Variants in GRM5 observed in about 807,000 individuals in gnomAD.
GRM5 encodes the protein metabotropic glutamate receptor 5.
Under a neutral mutation model 83.1 loss-of-function variants are expected in GRM5, and 19 were observed. That is an observed-to-expected ratio of 0.23 (90% CI 0.16 to 0.34). The LOEUF is 0.34. Among genes scored for constraint, GRM5 ranks in the 10% least tolerant of loss-of-function variants. The pLI, the probability that GRM5 is intolerant of heterozygous loss-of-function variation, is 1.00. For missense variants in GRM5, 1,160 were observed against 1,588.3 expected (o/e 0.73, Z 4.58); for synonymous variants, 675 against 633.6 (o/e 1.07, Z -0.98).
intron 2 of GRM5, among the ~76,000 whole-genome samples, chr11:89,029,348 A>C (rs1941206624): frequency 6.6e-6 from 1 of 152,206 alleles, no homozygotes; most frequent in Non-Finnish European, 1.5e-5. Context: ...ATATAATAGG[A>C]AATAAGCTGT....
At chr11:88,762,028 A>G (rs1001750381) in intron 3 of GRM5, among the ~76,000 whole-genome samples, 1 of 152,064 alleles carries the variant, frequency 6.6e-6, no homozygotes, top group African/African-American at 2.4e-5. Context: ...TTCTCAAGCC[A>G]TATACAAAAA....
intron 3 of GRM5, among the ~76,000 whole-genome samples, chr11:88,805,346 C>T (rs543386403): frequency 2.0e-5 from 3 of 152,220 alleles, no homozygotes; most frequent in East Asian, 1.9e-4. Flanking sequence ...CATGCGCCAC[C>T]ACGCCCGGCT....
intron 2 of GRM5, among the ~76,000 whole-genome samples, chr11:89,045,058 T>C (rs2135147464): frequency 6.6e-6 from 1 of 152,240 alleles, no homozygotes; most frequent in Non-Finnish European, 1.5e-5. Flanking sequence ...AAGATAAATA[T>C]TTCTTGACAC....
intron 1 of GRM5, among the ~76,000 whole-genome samples, chr11:89,050,774 G>A (rs1467480639): frequency 5.3e-5 from 8 of 152,134 alleles, no homozygotes; most frequent in Non-Finnish European, 1.0e-4. Flanking sequence ...ATACTATACA[G>A]CCATAAAAAA....
chr11:88,583,331 C>G (rs1311419142), intron 7 of GRM5, among the ~76,000 whole-genome samples: 1 of 152,136 alleles, frequency 6.6e-6, no homozygotes, highest in East Asian at 1.9e-4. Flanking sequence ...ACAAATGTTC[C>G]AACCTCCAAA....
rs150415780 is a variant in GRM5 at position 88,642,217 on chromosome 11, T to G, written c.1147+10951A>C. 6.0e-3 allele frequency among the ~76,000 whole-genome samples: 917 copies of G among 152,280 alleles called. 3 individuals are homozygous for G. Among genetic ancestry groups the G allele is most frequent in the South Asian group, 0.01 (50 of 4,828 alleles). On this transcript the variant is annotated intron_variant, in intron 4 of 9. Transcript: ENST00000305447. ...CTCCAAAGTGGCAGTGCAAGATGTA[T>G]GTGTTCTCCTTTGAGCCACAGCTAG...
chr11:88,889,041 C>T (rs552826254), intron 2 of GRM5, among the ~76,000 whole-genome samples: 27 of 152,158 alleles, frequency 1.8e-4, no homozygotes, highest in Non-Finnish European at 2.1e-4. Context: ...GCCACAAAAT[C>T]AGATAAGCCA....
intron 6 of GRM5, among the ~76,000 whole-genome samples, chr11:88,595,849 T>C (rs142037105): frequency 3.9e-5 from 6 of 152,314 alleles, no homozygotes; most frequent in African/African-American, 7.2e-5. Flanking sequence ...TTCTTCCTTT[T>C]TTGTACTTTG....
chr11:88,878,579 C>T (rs935086259), intron 2 of GRM5, among the ~76,000 whole-genome samples: 3 of 152,164 alleles, frequency 2.0e-5, no homozygotes, highest in African/African-American at 7.2e-5. Flanking sequence ...TCACACAAGG[C>T]AATAGGCCCT....
intron 3 of GRM5, among the ~76,000 whole-genome samples, chr11:88,814,966 G>A (rs1234354331): frequency 2.0e-5 from 3 of 152,020 alleles, no homozygotes; most frequent in Non-Finnish European, 4.4e-5. Flanking sequence ...AAAATAAAAA[G>A]AATTCACAAG....
intron 2 of GRM5, among the ~76,000 whole-genome samples, chr11:89,010,389 GT>G: frequency 6.6e-6 from 1 of 152,152 alleles, no homozygotes; most frequent in East Asian, 1.9e-4. Context: ...TAGAGAATGT[GT>G]AAAATATACA....
At chr11:88,606,832 G>T (rs1215084784) in intron 4 of GRM5, among the ~76,000 whole-genome samples, 2 of 151,550 alleles carry the variant, frequency 1.3e-5, no homozygotes, top group Non-Finnish European at 2.9e-5. Flanking sequence ...GAATGAATAG[G>T]GTTAAGACAT....
intron 2 of GRM5, among the ~76,000 whole-genome samples, chr11:88,869,768 G>T (rs1412017604): frequency 6.6e-6 from 1 of 151,310 alleles, no homozygotes; most frequent in Non-Finnish European, 1.5e-5. Context: ...CATTAGTCAT[G>T]GTTCCAACCT....
At chr11:88,823,526 C>CA (rs71265011) in intron 3 of GRM5, among the ~76,000 whole-genome samples, 48,613 of 144,210 alleles carry the variant, frequency 0.34, 8,721 homozygotes, top group Non-Finnish European at 0.41. Flanking sequence ...TAGGGGATTT[C>CA]AAAAAAAAAA....
chr11:89,047,740 G>T lies in GRM5; in HGVS notation c.133C>A (p.His45Asn). The T allele has an allele frequency of 6.2e-7, 1 of 1,614,082 alleles. No homozygotes were observed. The highest frequency in any genetic ancestry group is 8.5e-7 in the Non-Finnish European group (1 of 1,179,998). The change falls in exon 2 of 10, where the codon CAC becomes AAC. Residue 45 changes from histidine (H) to asparagine (N), a missense_variant. Transcript: ENST00000305447. This position sits in a 1 kb window ranked among gnomAD's most constrained non-coding sequence, Gnocchi z 5.1. ...TGAACTTTGTCCACAGTAGGCTGGT[G>T]ATGAACAGAAAAGAGAGCTCCAATA... Reference protein sequence around the residue: ...IIIGALFSVHHQPTVDKVHER... With the variant: ...IIIGALFSVHNQPTVDKVHER...
At chr11:88,814,129 G>T (rs1943630962) in intron 3 of GRM5, among the ~76,000 whole-genome samples, 1 of 152,208 alleles carries the variant, frequency 6.6e-6, no homozygotes, top group African/African-American at 2.4e-5. Flanking sequence ...AACTGGACAA[G>T]ATATACAAAA....
At chr11:89,051,546 C>A (rs1000686608) in intron 1 of GRM5, among the ~76,000 whole-genome samples, 1 of 151,712 alleles carries the variant, frequency 6.6e-6, no homozygotes, top group Non-Finnish European at 1.5e-5. Flanking sequence ...CCCGTCTCTA[C>A]CAAAAAGAGA....
chr11:88,946,652 G>A (rs184266477), intron 2 of GRM5, among the ~76,000 whole-genome samples: 70 of 152,252 alleles, frequency 4.6e-4, no homozygotes, highest in African/African-American at 1.6e-3. Context: ...AATAGAAACA[G>A]AGGACTACTA....
At chr11:88,831,180 C>T (rs566446269) in intron 3 of GRM5, among the ~76,000 whole-genome samples, 36 of 152,298 alleles carry the variant, frequency 2.4e-4, no homozygotes, top group African/African-American at 8.4e-4. Flanking sequence ...CCTGAATCTC[C>T]TTATTCCTGG....
Sources: allele counts gnomAD v4.1 joint callset (sites outside exome capture counted in the v4.1 genomes callset), GRCh38; gene constraint gnomAD v4.1.1; non-coding constraint Gnocchi (gnomAD v3.1); transcripts MANE v1.5; gene names NCBI Gene and HGNC (gene_info 2026-07-23, HGNC 2026-07-21).